RNF32: variants seen among roughly 807,000 people sequenced by gnomAD.
RNF32 encodes ring finger protein 32.
Under a neutral mutation model 41.0 loss-of-function variants are expected in RNF32, and 36 were observed. The observed-to-expected ratio is 0.88, with a 90% confidence interval of 0.67 to 1.16. The LOEUF is 1.16. RNF32 is among the 50% of genes most tolerant of loss of function. The probability of loss-of-function intolerance (pLI) is 0.00; values close to 1 mark genes in which losing one functional copy is unlikely to be tolerated. For missense variants in RNF32, 413 were observed against 436.7 expected, an observed-to-expected ratio of 0.95 and a Z score of 0.48; for synonymous variants, 154 against 160.9, an observed-to-expected ratio of 0.96 and a Z score of 0.32.
intron 3 of RNF32, among the ~76,000 whole-genome samples, chr7:156,647,586 T>C (rs554559688): frequency 6.6e-4 from 100 of 152,338 alleles, no homozygotes; most frequent in Admixed American, 2.7e-3. Context: ...CATTGGTTCA[T>C]GGGCACTTAG....
chr7:156,663,492 TAC>T (rs1563088192), intron 7 of RNF32, among the ~76,000 whole-genome samples: 1 of 152,368 alleles, frequency 6.6e-6, no homozygotes, highest in East Asian at 1.9e-4. Flanking sequence ...ACAGACATTT[TAC>T]ACTGGAATGA....
intron 7 of RNF32, chr7:156,659,824 C>A: frequency 1.2e-6 from 1 of 810,084 alleles, no homozygotes; most frequent in Non-Finnish European, 1.5e-6. Flanking sequence ...GCGTTCAGTG[C>A]TCAGGTGTTC....
rs1342561784 is a variant in RNF32, at chr7:156,669,114, T to G, written c.685-6582T>G. ...CGAACTGCTTTCATGGACTGGCACT[T>G]GGAGTTGTGTACTTTGTGAGCCTTC... On this transcript the variant is annotated intron_variant, in intron 7 of 8. Transcript: ENST00000317955. This position sits in a 1 kb window ranked among gnomAD's most constrained non-coding sequence, Gnocchi z 4.2. 1 of 152,168 alleles carries G rather than the reference T, an allele frequency of 6.6e-6. No homozygotes were observed. The highest frequency in any genetic ancestry group is 1.9e-4 in the East Asian group (1 of 5,172). The allele number at this position is 152,168 out of a possible 1,614,324, so 9.4% of individuals were successfully genotyped here. A position where few individuals can be genotyped will look rare whatever the true frequency, so the allele number is the denominator to read the frequency against.
chr7:156,654,726 G>A lies in RNF32; in HGVS notation c.417+8G>A. On this transcript the variant is annotated splice_region_variant and intron_variant, in intron 4 of 8. Coordinates refer to ENST00000317955, the MANE Select transcript of RNF32 (RefSeq NM_030936.4). ...TTCGAGCTTCGTCCTCAGGTGTTTA[G>A]CATACGAGGGTGAGCTAGAGAGCTC... 6.2e-7 allele frequency: 1 copy of A among 1,612,492 alleles called. No homozygotes were observed. Among genetic ancestry groups the A allele is most frequent in the Non-Finnish European group, 8.5e-7 (1 of 1,178,650 alleles).
rs1410522889 is a variant in RNF32 at position 156,658,238 on chromosome 7, C to A, written c.561C>A (p.Ile187=). 1.9e-6 allele frequency: 3 copies of A among 1,614,028 alleles called. No homozygotes were observed. The highest frequency in any genetic ancestry group is 2.5e-6 in the Non-Finnish European group (3 of 1,180,038). ...ACGATGGGGCCCGCCTGTTCAGAAT[C>A]AAGTGTGTGACCAGGTGAGGACGCC... ...VIHDGARLFR[I]KCVTRIQAYW... The change falls in exon 6 of 9, where the codon ATC becomes ATA. Residue 187 remains isoleucine, a synonymous_variant. Coordinates refer to ENST00000317955, the MANE Select transcript of RNF32 (RefSeq NM_030936.4).
At position 156,644,632 on chromosome 7, in the gene RNF32, A is replaced by G; in HGVS notation, c.149A>G (p.Lys50Arg). The change falls in exon 3 of 9, where the codon AAA (lysine) becomes AGA (arginine). Residue 50 changes from lysine to arginine, a missense_variant. Physicochemically the swap from Lys to Arg is conservative, Grantham distance 26. Coordinates refer to ENST00000317955, the MANE Select transcript of RNF32 (RefSeq NM_030936.4). ...SKTQVQKKEN[K>R]SLKRDTKAII... The stretch of plus-strand genomic sequence containing the variant: ...ACACAAGTACAAAAGAAAGAGAACA[A>G]ATCTCTAAAAAGAGATACAAAGGCA... 3 of 1,613,500 alleles carry G rather than the reference A, an allele frequency of 1.9e-6. No homozygotes were observed. Among genetic ancestry groups the G allele is most frequent in the Non-Finnish European group, 1.7e-6 (2 of 1,179,458 alleles).
intron 7 of RNF32, among the ~76,000 whole-genome samples, chr7:156,662,236 A>ATT (rs1449713335): frequency 6.6e-6 from 1 of 152,140 alleles, no homozygotes; most frequent in East Asian, 1.9e-4. Flanking sequence ...TGACCTCACC[A>ATT]TTTGATGCTT....
At chr7:156,645,265 T>C (rs954165962) in intron 3 of RNF32, among the ~76,000 whole-genome samples, 3 of 152,178 alleles carry the variant, frequency 2.0e-5, no homozygotes, top group Non-Finnish European at 2.9e-5. Context: ...AGCTGTACAG[T>C]TGTAACGCTT....
chr7:156,644,544 T>G lies in RNF32; in HGVS notation c.61T>G (p.Leu21Val). 1.2e-6 allele frequency: 2 copies of G among 1,612,264 alleles called. No homozygotes were observed. Among genetic ancestry groups the G allele is most frequent in the Non-Finnish European group, 1.7e-6 (2 of 1,179,204 alleles). ...TAACTTGGCAGTCAATGCAGTTGCT[T>G]TACAAGATCACATTTTACATGATCT... ...KDNLAVNAVA[L>V]QDHILHDLQL... is the part of the protein sequence containing the mutation. Residue 21 changes from leucine (L) to valine (V), a missense_variant, in exon 3 of 9, where the codon TTA (leucine) becomes GTA (valine). Coordinates refer to ENST00000317955, the MANE Select transcript of RNF32 (RefSeq NM_030936.4).
chr7:156,653,952 C>A (rs1191656651), intron 3 of RNF32, among the ~76,000 whole-genome samples: 1 of 152,156 alleles, frequency 6.6e-6, no homozygotes, highest in East Asian at 1.9e-4. Flanking sequence ...TACGTGTGAA[C>A]AATGAGTATT....
chr7:156,646,040 T>C (rs188298499), intron 3 of RNF32, among the ~76,000 whole-genome samples: 223 of 152,362 alleles, frequency 1.5e-3, no homozygotes, highest in African/African-American at 5.0e-3. Context: ...GGGATGCATA[T>C]AGCATGCAAC....
At chr7:156,668,208 A>G (rs532447687) in intron 7 of RNF32, among the ~76,000 whole-genome samples, 1 of 152,152 alleles carries the variant, frequency 6.6e-6, no homozygotes, top group Non-Finnish European at 1.5e-5. Context: ...ACGTGTGTGG[A>G]ATGAAAGGAG....
chr7:156,657,335 T>C (rs1799854651), intron 4 of RNF32: 1 of 578,584 alleles, frequency 1.7e-6, no homozygotes. Flanking sequence ...GTTTATTTGA[T>C]ATTTCAGATC....
chr7:156,655,116 C>T lies in RNF32; in HGVS notation c.417+398C>T, dbSNP rs1348877818. 2.0e-5 allele frequency among the ~76,000 whole-genome samples: 3 copies of T among 152,016 alleles called. No homozygotes were observed. In the East Asian group the frequency reaches 5.8e-4, roughly 29 times the overall value. ...AAAAAAAAACTGTGCTTGAATGTCTCCAAAGAATTTGTGAGAGAATCTTTA... is the reference window on the plus strand; with the variant it reads ...AAAAAAAAACTGTGCTTGAATGTCTTCAAAGAATTTGTGAGAGAATCTTTA... On this transcript the variant is annotated intron_variant, in intron 4 of 8. Transcript: ENST00000317955.
chr7:156,658,879 C>A, intron 7 of RNF32: 2 of 1,548,414 alleles, frequency 1.3e-6, no homozygotes, highest in Non-Finnish European at 1.7e-6. Context: ...GACTGGAAAC[C>A]AGCTTAATTT....
At chr7:156,657,815 A>G in intron 5 of RNF32, 1 of 600,338 alleles carries the variant, frequency 1.7e-6, no homozygotes, top group Non-Finnish European at 3.0e-6. Context: ...ATGCATGTCA[A>G]AGTGACAGCT....
intron 3 of RNF32, chr7:156,646,445 T>A: frequency 7.7e-7 from 1 of 1,303,732 alleles, no homozygotes; most frequent in Non-Finnish European, 1.0e-6. Flanking sequence ...CCTTTCCTCT[T>A]CTTATAAGGA....
At chr7:156,673,626 C>CA (rs1803094974) in intron 7 of RNF32, among the ~76,000 whole-genome samples, 1 of 152,158 alleles carries the variant, frequency 6.6e-6, no homozygotes, top group Non-Finnish European at 1.5e-5. Flanking sequence ...GATCCTCAGC[C>CA]ACCCCCTTCA....
At chr7:156,664,901 T>C (rs1801143618) in intron 7 of RNF32, among the ~76,000 whole-genome samples, 1 of 152,186 alleles carries the variant, frequency 6.6e-6, no homozygotes, top group South Asian at 2.1e-4. Context: ...AACAAACATA[T>C]GTTTCAGTAA....
Sources: gnomAD v4.1 joint callset for allele counts (sites outside exome capture counted in the v4.1 genomes callset) on GRCh38, gnomAD v4.1.1 for gene constraint, Gnocchi (gnomAD v3.1) non-coding constraint, MANE v1.5 for transcripts, NCBI Gene and HGNC (gene_info 2026-07-23, HGNC 2026-07-21) for gene names.